PTPN5: variants seen among roughly 807,000 people sequenced by gnomAD.
PTPN5 encodes the protein tyrosine-protein phosphatase non-receptor type 5.
A neutral mutation model predicts 73.9 loss-of-function variants in PTPN5; 29 were observed. The ratio of observed to expected loss-of-function variants is 0.39; its 90% CI spans 0.29 to 0.54. PTPN5 has a LOEUF of 0.54. Ranked by LOEUF, PTPN5 falls within the 20% of genes least tolerant of loss-of-function variation. The pLI is 0.65. For missense variants in PTPN5, 652 were observed against 751.4 expected, an observed-to-expected ratio of 0.87 and a Z score of 1.55; for synonymous variants, 267 against 304.7, an observed-to-expected ratio of 0.88 and a Z score of 1.29.
intron 3 of PTPN5, among the ~76,000 whole-genome samples, chr11:18,753,529 T>C (rs1461394256): frequency 6.6e-6 from 1 of 152,142 alleles, no homozygotes; most frequent in Non-Finnish European, 1.5e-5. Context: ...AGGACCACCA[T>C]GCTCTGGCCC....
intron 5 of PTPN5, 31 bp downstream of exon 5, chr11:18,743,291 G>T (rs1564897744): frequency 6.2e-7 from 1 of 1,602,406 alleles, no homozygotes; most frequent in Non-Finnish European, 8.6e-7. Flanking sequence ...ACAGATCCCT[G>T]CTACCCTAGG....
At chr11:18,770,152 T>C (rs1375652496) in intron 2 of PTPN5, among the ~76,000 whole-genome samples, 1 of 152,244 alleles carries the variant, frequency 6.6e-6, no homozygotes, top group Non-Finnish European at 1.5e-5. Flanking sequence ...TCCCATAGCA[T>C]AAAATTCAAC....
In PTPN5 at chr11:18,729,152, C is replaced by T; in HGVS notation, c.1605-125G>A. 1 of 869,942 alleles carries T rather than the reference C, an allele frequency of 1.1e-6. No homozygotes were observed. Among genetic ancestry groups the T allele is most frequent in the Non-Finnish European group, 1.8e-6 (1 of 555,250 alleles). 53.9% of individuals were successfully genotyped at this position (869,942 alleles called of 1,614,324 possible). On this transcript the variant is annotated intron_variant, in intron 14 of 14. Transcript: ENST00000358540. This position sits in a 1 kb window ranked among gnomAD's most constrained non-coding sequence, Gnocchi z 5.2. ...CCCCTGTGCGTCTTGGAGAGACCAA[C>T]CCTTGCCAACCATTACCCTCTGCCC...
chr11:18,773,173 C>A (rs925962941), intron 1 of PTPN5, among the ~76,000 whole-genome samples: 2 of 151,572 alleles, frequency 1.3e-5, no homozygotes, highest in African/African-American at 4.9e-5. Context: ...CCCCTTCTTT[C>A]CAGAGAGGTA....
intron 3 of PTPN5, among the ~76,000 whole-genome samples, chr11:18,750,099 A>G (rs1435068759): frequency 5.3e-5 from 8 of 152,192 alleles, no homozygotes; most frequent in Non-Finnish European, 7.3e-5. Context: ...AGGCCCAGAG[A>G]GCGGAAGTGG....
intron 1 of PTPN5, among the ~76,000 whole-genome samples, chr11:18,790,665 G>C (rs1485217234): frequency 3.3e-5 from 5 of 152,134 alleles, no homozygotes; most frequent in Non-Finnish European, 7.4e-5. Flanking sequence ...GTGGGGCAGG[G>C]CTGGAATTAC....
chr11:18,772,781 C>A (rs1391963613), intron 1 of PTPN5, among the ~76,000 whole-genome samples: 1 of 152,090 alleles, frequency 6.6e-6, no homozygotes, highest in African/African-American at 2.4e-5. Flanking sequence ...CGTGTGGGAC[C>A]CTGGGAATAC....
rs1469787047 is a variant in PTPN5 at position 18,733,717 on chromosome 11, C to A, written c.1001-82G>T. Reference sequence around the variant, plus strand: ...CTTGCTCTGGCCTATTCCAGCATACCCACACTTCTTCTGCGACATTAGCAG... The same window carrying A: ...CTTGCTCTGGCCTATTCCAGCATACACACACTTCTTCTGCGACATTAGCAG... On this transcript the variant is annotated intron_variant, in intron 9 of 14. Transcript: ENST00000358540. This position sits in a 1 kb window ranked among gnomAD's most constrained non-coding sequence, Gnocchi z 4.3. The A allele has an allele frequency of 5.8e-6, 7 of 1,196,956 alleles. No homozygotes were observed. The highest frequency in any genetic ancestry group is 1.2e-5 in the South Asian group (1 of 81,338). The allele number at this position is 1,196,956 out of a possible 1,614,324, so 74.1% of individuals were successfully genotyped here.
chr11:18,735,368 G>A (rs1849068146), intron 9 of PTPN5, among the ~76,000 whole-genome samples: 1 of 152,078 alleles, frequency 6.6e-6, no homozygotes, highest in Non-Finnish European at 1.5e-5. Flanking sequence ...GCAGCAGAGA[G>A]GGGCAGGAAG....
At chr11:18,791,276 G>T (rs940410732) in intron 1 of PTPN5, among the ~76,000 whole-genome samples, 6 of 152,210 alleles carry the variant, frequency 3.9e-5, no homozygotes, top group Admixed American at 3.9e-4. Context: ...AACCGCGCAC[G>T]GGCTTCGTGG....
At chr11:18,775,128 T>C (rs949267813) in intron 1 of PTPN5, among the ~76,000 whole-genome samples, 1 of 152,112 alleles carries the variant, frequency 6.6e-6, no homozygotes, top group African/African-American at 2.4e-5. Context: ...AAGGCGGAAA[T>C]GGAAATTCAG....
At position 18,729,403 on chromosome 11, in the gene PTPN5, C is replaced by T. The variant is rs1393038379; in HGVS notation, c.1604+50G>A. ...ACATGTGGGTCTCTCCCTCTACCCG[C>T]TCGGGGCTCTAGCTCCCTTGTGTGT... On this transcript the variant is annotated intron_variant, in intron 14 of 14. Transcript: ENST00000358540. The surrounding 1 kb of genome is among the most constrained non-coding windows in gnomAD (Gnocchi z 5.2). 2.2e-6 allele frequency: 2 copies of T among 912,916 alleles called. No individual in the cohort carries two copies. The highest frequency in any genetic ancestry group is 3.6e-6 in the Non-Finnish European group (2 of 553,816). 56.6% of individuals were successfully genotyped at this position (912,916 alleles called of 1,614,324 possible). A position where few individuals can be genotyped will look rare whatever the true frequency, so the allele number is the denominator to read the frequency against.
intron 1 of PTPN5, among the ~76,000 whole-genome samples, chr11:18,789,909 C>T (rs1851836775): frequency 6.6e-6 from 1 of 152,002 alleles, no homozygotes; most frequent in African/African-American, 2.4e-5. Flanking sequence ...CTCACGAAAC[C>T]AAATACCACC....
rs749726521 is a variant in PTPN5, at chr11:18,728,883, GC to G, written c.*50del. 143 of 1,570,658 alleles carry G rather than the reference GC, an allele frequency of 9.1e-5. No individual in the cohort carries two copies. Among genetic ancestry groups the G allele is most frequent in the Admixed American group, 1.3e-4 (7 of 54,546 alleles). On this transcript the variant is annotated 3_prime_UTR_variant, in exon 15 of 15. Coordinates refer to ENST00000358540, the MANE Select transcript of PTPN5 (RefSeq NM_006906.2). The surrounding 1 kb of genome is among the most constrained non-coding windows in gnomAD (Gnocchi z 4.1). ...ACCCGAGGCAGGGCCCTGGGTGAGG[GC>G]CGAGACTCAGGCTGGGCAGTGCCCA...
chr11:18,730,606 A>G (rs1848832051), intron 12 of PTPN5: 1 of 152,522 alleles, frequency 6.6e-6, no homozygotes, highest in Admixed American at 6.5e-5. Flanking sequence ...TGAGGACATG[A>G]CCCTGGAAGT....
At chr11:18,778,749 C>A (rs560735623) in intron 1 of PTPN5, among the ~76,000 whole-genome samples, 1 of 152,282 alleles carries the variant, frequency 6.6e-6, no homozygotes, top group Admixed American at 6.5e-5. Flanking sequence ...GCCAATTAAA[C>A]CTCTTTTCTT....
intron 1 of PTPN5, among the ~76,000 whole-genome samples, chr11:18,782,187 A>G (rs534292491): frequency 6.1e-4 from 93 of 151,902 alleles, no homozygotes; most frequent in Non-Finnish European, 1.2e-3. Context: ...ATTGGGGGTT[A>G]GTGGGGAAAA....
At chr11:18,765,084 G>T (rs1850581476) in intron 3 of PTPN5, among the ~76,000 whole-genome samples, 1 of 152,108 alleles carries the variant, frequency 6.6e-6, no homozygotes, top group Non-Finnish European at 1.5e-5. Context: ...CAGGATTATG[G>T]CGATTTTTCT....
At chr11:18,770,639 T>G (rs1564922142) in intron 2 of PTPN5, among the ~76,000 whole-genome samples, 2 of 152,338 alleles carry the variant, frequency 1.3e-5, no homozygotes, top group African/African-American at 4.8e-5. Context: ...CCCATCACGC[T>G]TGTGGTTTTG....
Sources: gnomAD v4.1 joint callset for allele counts (sites outside exome capture counted in the v4.1 genomes callset) on GRCh38, gnomAD v4.1.1 for gene constraint, Gnocchi (gnomAD v3.1) non-coding constraint, MANE v1.5 for transcripts, NCBI Gene and HGNC (gene_info 2026-07-23, HGNC 2026-07-21) for gene names.